SLC25A14: variants seen among roughly 807,000 people sequenced by gnomAD.
SLC25A14 encodes the protein brain mitochondrial carrier protein 1.
A neutral mutation model predicts 28.1 loss-of-function variants in SLC25A14; 8 were observed. The ratio of observed to expected loss-of-function variants is 0.28; its 90% CI spans 0.17 to 0.51. The LOEUF is 0.51. Ranked by LOEUF, SLC25A14 falls within the 20% of genes least tolerant of loss-of-function variation. The pLI, the probability that SLC25A14 is intolerant of heterozygous loss-of-function variation, is 0.97. For synonymous variants in SLC25A14, 74 were observed against 90.6 expected (o/e 0.82, Z 1.04); for missense variants, 135 against 263.8 (o/e 0.51, Z 3.38).
At chrX:130,361,509 G>A (rs1475856768) in intron 7 of SLC25A14, among the ~76,000 whole-genome samples, 1 of 112,621 alleles carries the variant, frequency 8.9e-6, no homozygotes, top group East Asian at 2.8e-4. Context: ...AAGAAAATAT[G>A]TTTGCATTTT....
chrX:130,351,890 A>G (rs1180498956), intron 6 of SLC25A14, among the ~76,000 whole-genome samples: 5 of 111,942 alleles, frequency 4.5e-5, no homozygotes, highest in East Asian at 2.8e-4. Context: ...CAGAATTTTT[A>G]TATCATTTTA....
chrX:130,368,487 G>T (rs1603266706), intron 9 of SLC25A14, among the ~76,000 whole-genome samples: 1 of 112,328 alleles, frequency 8.9e-6, no homozygotes, highest in East Asian at 2.8e-4. Context: ...AAATGTCCCT[G>T]TGTTTATGAC....
intron 9 of SLC25A14, 104 bp from the exon 10 acceptor site, chrX:130,371,460 G>C: frequency 1.9e-6 from 1 of 530,835 alleles, no homozygotes; most frequent in South Asian, 2.9e-5. Flanking sequence ...TTAGAGAAAA[G>C]ACTATTCATG....
chrX:130,365,303 G>A (rs2034087090), intron 8 of SLC25A14: 11 of 953,499 alleles, frequency 1.2e-5, no homozygotes, highest in Non-Finnish European at 1.3e-5. Flanking sequence ...ATCTTGTTAG[G>A]TTTAGAAACT....
chrX:130,365,233 T>C, intron 8 of SLC25A14: 1 of 838,204 alleles, frequency 1.2e-6, no homozygotes, highest in Non-Finnish European at 1.4e-6. Context: ...TGGCATGTGA[T>C]GCTGTGGTTT....
chrX:130,363,579 C>T (rs917653767), intron 7 of SLC25A14, among the ~76,000 whole-genome samples: 53 of 111,689 alleles, frequency 4.7e-4, no homozygotes, highest in Admixed American at 7.6e-4. Context: ...TAGAATTGCT[C>T]GCTCATATGG....
chrX:130,357,222 G>A (rs1328520422), intron 6 of SLC25A14, among the ~76,000 whole-genome samples: 1 of 111,549 alleles, frequency 9.0e-6, no homozygotes, highest in Admixed American at 9.5e-5. Context: ...CAAAATTAAC[G>A]CAAAAAATTC....
intron 3 of SLC25A14, among the ~76,000 whole-genome samples, chrX:130,346,288 G>A (rs2033434021): frequency 9.0e-6 from 1 of 111,184 alleles, no homozygotes; most frequent in African/African-American, 3.3e-5. Context: ...TTATAATAGG[G>A]CAATCTGAAA....
intron 5 of SLC25A14, among the ~76,000 whole-genome samples, chrX:130,350,234 C>T (rs1224090021): frequency 9.0e-6 from 1 of 111,441 alleles, no homozygotes; most frequent in African/African-American, 3.3e-5. Flanking sequence ...TTGTATTAGA[C>T]GTAAGATTTT....
intron 10 of SLC25A14, among the ~76,000 whole-genome samples, chrX:130,372,333 CT>C (rs2034282930): frequency 9.0e-6 from 1 of 111,450 alleles, no homozygotes; most frequent in African/African-American, 3.3e-5. Context: ...CTGTTTCCCC[CT>C]GAAGACTATA....
chrX:130,368,121 G>A (rs755451648), intron 9 of SLC25A14, among the ~76,000 whole-genome samples: 95 of 112,494 alleles, frequency 8.4e-4, no homozygotes, highest in Admixed American at 1.3e-3. Context: ...AGGAACCTAG[G>A]AAAGACACCA....
chrX:130,367,400 C>T, intron 9 of SLC25A14, among the ~76,000 whole-genome samples: 1 of 111,686 alleles, frequency 9.0e-6, no homozygotes, highest in Middle Eastern at 4.6e-3. Flanking sequence ...ACAGAGGCAT[C>T]ACAAGAGGAG....
At chrX:130,372,743 T>C (rs1171782691) in intron 10 of SLC25A14, among the ~76,000 whole-genome samples, 166 bp from the exon 11 acceptor site, 1 of 111,463 alleles carries the variant, frequency 9.0e-6, no homozygotes, top group Non-Finnish European at 1.9e-5. Context: ...ATTACAGGCG[T>C]GAGCCACCGC....
At chrX:130,363,865 C>G (rs1007908397) in intron 7 of SLC25A14, among the ~76,000 whole-genome samples, 1 of 111,277 alleles carries the variant, frequency 9.0e-6, no homozygotes, top group Non-Finnish European at 1.9e-5. Context: ...TCTCAAGTAG[C>G]TGGGACTACA....
At chrX:130,355,753 C>T (rs1463884170) in intron 6 of SLC25A14, among the ~76,000 whole-genome samples, 1 of 111,643 alleles carries the variant, frequency 9.0e-6, no homozygotes, top group African/African-American at 3.3e-5. Context: ...TTCTTAAGTC[C>T]TTTTTATTCT....
intron 6 of SLC25A14, among the ~76,000 whole-genome samples, chrX:130,354,802 C>T (rs1292557977): frequency 8.9e-6 from 1 of 111,906 alleles, no homozygotes; most frequent in African/African-American, 3.3e-5. Context: ...ATAAGCCCTG[C>T]AAAGCCTAAT....
chrX:130,340,048 TGGCCTGGTTCCC>T (rs1421899412), intron 1 of SLC25A14, 47 bp from the exon 2 acceptor site: 1 of 1,014,565 alleles, frequency 9.9e-7, no homozygotes, highest in Non-Finnish European at 1.3e-6. Flanking sequence ...GGGGCCGGGC[TGGCCTGGTTCCC>T]GGCCTGGGAG....
intron 9 of SLC25A14, among the ~76,000 whole-genome samples, chrX:130,368,584 A>C (rs887747175): frequency 8.9e-6 from 1 of 112,704 alleles, no homozygotes; most frequent in African/African-American, 3.2e-5. Context: ...ATTGGCTAAA[A>C]GATTTACTGT....
intron 6 of SLC25A14, among the ~76,000 whole-genome samples, chrX:130,357,231 T>G (rs768659059): frequency 8.9e-6 from 1 of 112,121 alleles, no homozygotes; most frequent in South Asian, 3.7e-4. Context: ...CGCAAAAAAT[T>G]CATGATGAAC....
Sources: allele counts gnomAD v4.1 joint callset (sites outside exome capture counted in the v4.1 genomes callset), GRCh38; gene constraint gnomAD v4.1.1; transcripts MANE v1.5; gene names NCBI Gene and HGNC (gene_info 2026-07-23, HGNC 2026-07-21).